Variants in FOXN3 observed in about 807,000 individuals in gnomAD.
The protein encoded by FOXN3 is forkhead box N3.
A neutral mutation model predicts 38.4 loss-of-function variants in FOXN3; 7 were observed. That is an observed-to-expected ratio of 0.18 (90% confidence interval 0.10 to 0.34). The LOEUF (loss-of-function observed/expected upper bound fraction) is 0.34. Among genes scored for constraint, FOXN3 ranks in the 10% least tolerant of loss-of-function variants. The pLI, the probability that FOXN3 is intolerant of heterozygous loss-of-function variation, is 1.00. For synonymous variants in FOXN3, 230 were observed against 242.2 expected (o/e 0.95, Z 0.47); for missense variants, 456 against 613.4 (o/e 0.74, Z 2.71).
intron 2 of FOXN3, among the ~76,000 whole-genome samples, chr14:89,377,231 G>A (rs941244844): frequency 1.8e-4 from 28 of 151,398 alleles, no homozygotes; most frequent in African/African-American, 6.8e-4. Flanking sequence ...AGAGGAAAAT[G>A]GGAAGATCAT....
intron 1 of FOXN3, among the ~76,000 whole-genome samples, chr14:89,536,281 A>G (rs1331094250): frequency 2.0e-5 from 3 of 152,312 alleles, no homozygotes; most frequent in Non-Finnish European, 4.4e-5. Flanking sequence ...AGCCTCTGTA[A>G]CTATCTGCAT....
intron 4 of FOXN3, among the ~76,000 whole-genome samples, chr14:89,278,796 T>C (rs969108741): frequency 2.0e-5 from 3 of 152,196 alleles, no homozygotes; most frequent in African/African-American, 7.2e-5. Context: ...TGTGCGTACA[T>C]TTTTGAAAAC....
At chr14:89,398,979 C>A (rs1891173851) in intron 2 of FOXN3, among the ~76,000 whole-genome samples, 2 of 152,216 alleles carry the variant, frequency 1.3e-5, no homozygotes, top group African/African-American at 2.4e-5. Context: ...AGTAAAACTT[C>A]ATCTCAAATC....
intron 2 of FOXN3, among the ~76,000 whole-genome samples, chr14:89,372,853 A>T (rs893047321): frequency 6.6e-6 from 1 of 152,240 alleles, no homozygotes; most frequent in Non-Finnish European, 1.5e-5. Flanking sequence ...AATGTTAAAA[A>T]TAAAATTTAA....
chr14:89,285,191 A>G (rs1886586392), intron 3 of FOXN3, among the ~76,000 whole-genome samples: 3 of 152,212 alleles, frequency 2.0e-5, no homozygotes. Flanking sequence ...CTGTTTTCTA[A>G]GATCTCACCT....
chr14:89,590,693 G>C, intron 1 of FOXN3, among the ~76,000 whole-genome samples: 1 of 152,058 alleles, frequency 6.6e-6, no homozygotes, highest in East Asian at 1.9e-4. Flanking sequence ...ATAGAAACTA[G>C]AATTCCTCTT....
At chr14:89,556,925 A>G (rs149265529) in intron 1 of FOXN3, among the ~76,000 whole-genome samples, 194 of 152,324 alleles carry the variant, frequency 1.3e-3, no homozygotes, top group Middle Eastern at 3.4e-3. Context: ...GATGGGGGCA[A>G]AAACAGAAAG....
intron 3 of FOXN3, among the ~76,000 whole-genome samples, chr14:89,332,280 A>G (rs1888271824): frequency 2.6e-5 from 4 of 152,204 alleles, no homozygotes; most frequent in Admixed American, 2.6e-4. Context: ...TACCATATCC[A>G]GCTCTCCAGG....
At chr14:89,212,341 C>T (rs1461768285) in intron 4 of FOXN3, among the ~76,000 whole-genome samples, 4 of 152,208 alleles carry the variant, frequency 2.6e-5, no homozygotes, top group Non-Finnish European at 4.4e-5. Flanking sequence ...CTTCATCTTC[C>T]AGACTTCCTT....
At chr14:89,242,902 ATTCATC>A (rs1024916964) in intron 4 of FOXN3, among the ~76,000 whole-genome samples, 3 of 152,226 alleles carry the variant, frequency 2.0e-5, no homozygotes, top group African/African-American at 7.2e-5. Context: ...CACTTAGAAT[ATTCATC>A]TGATGGTGAC....
intron 1 of FOXN3, among the ~76,000 whole-genome samples, chr14:89,435,658 T>C (rs1892260568): frequency 6.6e-6 from 1 of 152,140 alleles, no homozygotes; most frequent in South Asian, 2.1e-4. Context: ...AAAAAGGGGA[T>C]GAAGTAGAAA....
chr14:89,556,472 T>C (rs1272970005), intron 1 of FOXN3, among the ~76,000 whole-genome samples: 1 of 151,674 alleles, frequency 6.6e-6, no homozygotes, highest in East Asian at 1.9e-4. Flanking sequence ...CTATTCTCAC[T>C]GGGTAGGCAG....
chr14:89,241,385 T>A (rs1404530604), intron 4 of FOXN3, among the ~76,000 whole-genome samples: 1 of 152,190 alleles, frequency 6.6e-6, no homozygotes, highest in Admixed American at 6.5e-5. Context: ...GCTCATGAGG[T>A]GGCCACCGTG....
At chr14:89,183,602 T>C (rs1887728816) in intron 4 of FOXN3, among the ~76,000 whole-genome samples, 1 of 152,158 alleles carries the variant, frequency 6.6e-6, no homozygotes, top group African/African-American at 2.4e-5. Flanking sequence ...TTCCTTCCTG[T>C]AGGAAGTGTC....
At chr14:89,579,074 T>A (rs972655744) in intron 1 of FOXN3, among the ~76,000 whole-genome samples, 9 of 151,998 alleles carry the variant, frequency 5.9e-5, no homozygotes, top group African/African-American at 2.2e-4. Flanking sequence ...AGTCTCAAAC[T>A]CTTGGCCTCA....
intron 4 of FOXN3, chr14:89,230,734 G>A (rs568878291): frequency 1.1e-4 from 39 of 354,900 alleles, no homozygotes; most frequent in South Asian, 6.7e-4. Flanking sequence ...CACGACAGGC[G>A]CCACACACTC....
chr14:89,230,354 C>T (rs1230039291), intron 4 of FOXN3, among the ~76,000 whole-genome samples: 1 of 152,218 alleles, frequency 6.6e-6, no homozygotes, highest in African/African-American at 2.4e-5. Flanking sequence ...TTCTCATCAC[C>T]TCCACCATCC....
chr14:89,555,905 G>A (rs1895114514), intron 1 of FOXN3, among the ~76,000 whole-genome samples: 1 of 149,534 alleles, frequency 6.7e-6, no homozygotes, highest in Non-Finnish European at 1.5e-5. Context: ...GGGTGTGTGT[G>A]TTGTGTGTGT....
chr14:89,472,714 C>T lies in FOXN3; in HGVS notation c.-14-60224G>A, dbSNP rs189143824. On this transcript the variant is annotated intron_variant, in intron 1 of 6. Coordinates refer to the FOXN3 transcript ENST00000345097. ...CCAGCCTGGGTGACGGAGCAAGACC[C>T]CATCTCAAAAAAAAAAAAAAAAAAA... is the stretch of plus-strand genomic sequence containing the variant. 1.7e-3 allele frequency among the ~76,000 whole-genome samples: 248 copies of T among 143,904 alleles called. 1 individual carries two copies. Among genetic ancestry groups the T allele is most frequent in the African/African-American group, 6.1e-3 (235 of 38,490 alleles). 94.4% of individuals were successfully genotyped at this position (143,904 alleles called of 152,430 possible). A position where few individuals can be genotyped will look rare whatever the true frequency, so the allele number is the denominator to read the frequency against.
Sources: allele counts gnomAD v4.1 joint callset (sites outside exome capture counted in the v4.1 genomes callset), GRCh38; gene constraint gnomAD v4.1.1; transcripts MANE v1.5; gene names NCBI Gene and HGNC (gene_info 2026-07-23, HGNC 2026-07-21).